Variants in SERF2 observed in about 807,000 individuals in gnomAD.
SERF2 encodes small EDRK-rich factor 2.
Under a neutral mutation model 10.7 loss-of-function variants are expected in SERF2, and 4 were observed. The observed-to-expected ratio is 0.37, with a 90% confidence interval of 0.18 to 0.86. The LOEUF (loss-of-function observed/expected upper bound fraction) is 0.86, where lower values mean the gene tolerates loss of function less well. SERF2 is among the 40% of genes least tolerant of loss of function. SERF2 has a pLI of 0.43. For synonymous variants in SERF2, 26 were observed against 26.0 expected, an observed-to-expected ratio of 1.00 and a Z score of 0.01; for missense variants, 47 against 79.1, an observed-to-expected ratio of 0.59 and a Z score of 1.54.
chr15:43,795,506 CT>C lies in SERF2; in HGVS notation c.*1735del. 1 of 1,614,170 alleles carries C rather than the reference CT, an allele frequency of 6.2e-7. No homozygotes were observed. The highest frequency in any genetic ancestry group is 8.5e-7 in the Non-Finnish European group (1 of 1,180,024). ...TGGACTGGAGGAGCTGGAGGGGTTT[CT>C]TGGTCAGCTGGCCTCGCAGCCCCAC... On this transcript the variant is annotated 3_prime_UTR_variant, in exon 3 of 3. Coordinates refer to ENST00000249786, the MANE Select transcript of SERF2 (RefSeq NM_001018108.4).
chr15:43,792,420 T>C (rs753377439), intron 1 of SERF2, 37 bp downstream of exon 1: 31 of 1,613,764 alleles, frequency 1.9e-5, no homozygotes, highest in Non-Finnish European at 2.5e-5. Flanking sequence ...CCCTTTTCTT[T>C]CCGTTCACCC....
In SERF2 at chr15:43,784,908, A is replaced by G. The variant is rs145934112; in HGVS notation, c.-526-502A>G. On this transcript the variant is annotated intron_variant, in intron 1 of 4. Coordinates refer to the SERF2 transcript ENST00000381359. ...GCTGGGACTATAGGCGCGCACCATCACGCTTGGCTAATTTTTGTATTTTTA... is the reference window on the plus strand; with the variant it reads ...GCTGGGACTATAGGCGCGCACCATCGCGCTTGGCTAATTTTTGTATTTTTA... 1.0e-4 allele frequency among the ~76,000 whole-genome samples: 15 copies of G among 147,124 alleles called. No individual in the cohort carries two copies. The East Asian group carries it at 3.0e-3, about 29-fold the overall frequency.
chr15:43,789,341 T>C (rs1033128634), upstream of SERF2, among the ~76,000 whole-genome samples: 3 of 152,164 alleles, frequency 2.0e-5, no homozygotes, highest in African/African-American at 7.2e-5. Flanking sequence ...CCTGTGGCTC[T>C]TGATGGGATG....
chr15:43,783,714 C>G (rs2141669408), intron 1 of SERF2, among the ~76,000 whole-genome samples: 1 of 152,084 alleles, frequency 6.6e-6, no homozygotes, highest in East Asian at 1.9e-4. Flanking sequence ...ATCCTCCCAC[C>G]TCAGCCTCCC....
rs1453134868 is a variant in SERF2 at position 43,792,616 on chromosome 15, G to T, written c.7+233G>T. 9.1e-6 allele frequency: 13 copies of T among 1,433,022 alleles called. No individual in the cohort carries two copies. In the Admixed American group the frequency reaches 1.4e-4, roughly 16 times the overall value. The allele number at this position is 1,433,022 out of a possible 1,614,324, so 88.8% of individuals were successfully genotyped here. ...CCCTCCCGGATCTTCCGCGGTGTAAGGAGAAGGCCAGCGCCCCTGTGATAG... is the reference window on the plus strand; with the variant it reads ...CCCTCCCGGATCTTCCGCGGTGTAATGAGAAGGCCAGCGCCCCTGTGATAG... On this transcript the variant is annotated intron_variant, in intron 1 of 2. Coordinates refer to ENST00000249786, the MANE Select transcript of SERF2 (RefSeq NM_001018108.4).
rs2141687800 is a variant in SERF2 at position 43,795,327 on chromosome 15, T to C, written c.*1554T>C. ...CATGTGTGTCTGGAATGGCCTTGAATTGCTCTTTCCTTAAAATAGCTAGCT... is the reference window on the plus strand; with the variant it reads ...CATGTGTGTCTGGAATGGCCTTGAACTGCTCTTTCCTTAAAATAGCTAGCT... On this transcript the variant is annotated 3_prime_UTR_variant, in exon 3 of 3. Transcript: ENST00000249786. The C allele has an allele frequency of 7.5e-6, 12 of 1,605,582 alleles. No individual in the cohort carries two copies. The highest frequency in any genetic ancestry group is 1.7e-5 in the Admixed American group (1 of 59,868).
Position 43,794,754 on chromosome 15 carries a change from AGCT to A in SERF2, c.*986_*988del, listed in dbSNP as rs991444346. 8.8e-5 allele frequency: 41 copies of A among 465,312 alleles called. No homozygotes were observed. The highest frequency in any genetic ancestry group is 1.4e-4 in the Admixed American group (4 of 29,170). The allele number at this position is 465,312 out of a possible 1,614,324, so 28.8% of individuals were successfully genotyped here. On this transcript the variant is annotated 3_prime_UTR_variant, in exon 3 of 3. Transcript: ENST00000249786. ...TGCTGGGATCAGCGGTGGTTCTTTG[AGCT>A]GCTGATTTGGGTGTTAGGCTCTTGA... is the stretch of plus-strand genomic sequence containing the variant.
chr15:43,796,038 CAATA>C lies in SERF2; in HGVS notation c.*2268_*2271del. On this transcript the variant is annotated 3_prime_UTR_variant, in exon 3 of 3. Transcript: ENST00000249786. ...AGTTGCCTAGCACATTGTGGGTACT[CAATA>C]AAAGGTAACAGCAGCTATAATCTGA... The C allele has an allele frequency of 2.5e-6, 2 of 787,700 alleles. No individual in the cohort carries two copies. The highest frequency in any genetic ancestry group is 2.2e-6 in the Non-Finnish European group (1 of 456,498). 48.8% of individuals were successfully genotyped at this position (787,700 alleles called of 1,614,324 possible).
chr15:43,788,193 T>C (rs556221426), upstream of SERF2, among the ~76,000 whole-genome samples: 2 of 151,580 alleles, frequency 1.3e-5, no homozygotes, highest in Non-Finnish European at 2.9e-5. Flanking sequence ...AAATTTTTTG[T>C]AGAGACGGGG....
At position 43,795,242 on chromosome 15, in the gene SERF2, A is replaced by T; in HGVS notation, c.*1469A>T. 1 of 1,609,084 alleles carries T rather than the reference A, an allele frequency of 6.2e-7. No homozygotes were observed. The highest frequency in any genetic ancestry group is 1.1e-5 in the South Asian group (1 of 90,976). On this transcript the variant is annotated 3_prime_UTR_variant, in exon 3 of 3. Transcript: ENST00000249786. The stretch of plus-strand genomic sequence containing the variant: ...TGTAACCAAAGGCTCTGGTTAGAGA[A>T]TATGAAGGGCCTTAGCTTTTAGACC...
chr15:43,795,126 T>C lies in SERF2; in HGVS notation c.*1353T>C, dbSNP rs113812701. Reference sequence around the variant, plus strand: ...CCAGTAACAGCCCCAGATAGAGGAGTACGCAGGCCCAGCATGAGGCAACCT... The same window carrying C: ...CCAGTAACAGCCCCAGATAGAGGAGCACGCAGGCCCAGCATGAGGCAACCT... On this transcript the variant is annotated 3_prime_UTR_variant, in exon 3 of 3. Transcript: ENST00000249786. 1.3e-5 allele frequency: 21 copies of C among 1,613,240 alleles called. No individual in the cohort carries two copies. The African/African-American group carries it at 1.3e-4, about 10-fold the overall frequency.
chr15:43,793,329 G>C, intron 2 of SERF2: 1 of 576,784 alleles, frequency 1.7e-6, no homozygotes, highest in Non-Finnish European at 3.1e-6. Context: ...CTGACCTTAA[G>C]GGCAAGGGCA....
chr15:43,794,113 C>CA lies in SERF2; in HGVS notation c.*346dup. 2.7e-6 allele frequency: 2 copies of CA among 743,610 alleles called. No individual in the cohort carries two copies. Among genetic ancestry groups the CA allele is most frequent in the Middle Eastern group, 3.9e-4 (1 of 2,584 alleles). 46.1% of individuals were successfully genotyped at this position (743,610 alleles called of 1,614,324 possible). A position where few individuals can be genotyped will look rare whatever the true frequency, so the allele number is the denominator to read the frequency against. ...TGGAAGAATGACTGCCCTTTCCCAC[C>CA]AAAAAAGGGAGAACTCTTTAGATTC... On this transcript the variant is annotated 3_prime_UTR_variant, in exon 3 of 3. Coordinates refer to ENST00000249786, the MANE Select transcript of SERF2 (RefSeq NM_001018108.4).
At position 43,792,998 on chromosome 15, in the gene SERF2, C is replaced by T; in HGVS notation, c.31C>T (p.Arg11Cys). Residue 11 changes from arginine to cysteine, a missense_variant, in exon 2 of 3, where the codon CGC becomes TGC. Transcript: ENST00000249786. ...AGGCGGTAACCAGCGTGAGCTCGCC[C>T]GCCAGAAGAATATGAAAAAGCAGAG... Reference protein sequence around the residue: MTRGNQRELARQKNMKKQSDS... With the variant: MTRGNQRELACQKNMKKQSDS... The T allele has an allele frequency of 6.2e-7, 1 of 1,611,706 alleles. No homozygotes were observed. Among genetic ancestry groups the T allele is most frequent in the Non-Finnish European group, 8.5e-7 (1 of 1,178,352 alleles).
chr15:43,789,263 A>T (rs1165822188), upstream of SERF2, among the ~76,000 whole-genome samples: 2 of 152,040 alleles, frequency 1.3e-5, no homozygotes, highest in Non-Finnish European at 2.9e-5. Context: ...CTACCTCCCT[A>T]TCTGACCTAG....
chr15:43,793,903 G>T lies in SERF2; in HGVS notation c.*130G>T. 1 of 1,587,338 alleles carries T rather than the reference G, an allele frequency of 6.3e-7. No homozygotes were observed. Among genetic ancestry groups the T allele is most frequent in the Non-Finnish European group, 8.6e-7 (1 of 1,166,148 alleles). ...ATGGCATTCCCTTTGCCCTGAGTCT[G>T]CAGCGGGTCCCTTTTGTGCTTCCTT... On this transcript the variant is annotated 3_prime_UTR_variant, in exon 3 of 3. Transcript: ENST00000249786.
chr15:43,792,347 C>G lies in SERF2; in HGVS notation c.-30C>G. ...CGTCCGACAGAACGAGGGGACGTAACGGAGGCAGGTTGGAGCCGCTGCCGT... is the reference window on the plus strand; with the variant it reads ...CGTCCGACAGAACGAGGGGACGTAAGGGAGGCAGGTTGGAGCCGCTGCCGT... On this transcript the variant is annotated 5_prime_UTR_variant, in exon 1 of 3. Transcript: ENST00000249786. 4 of 1,569,152 alleles carry G rather than the reference C, an allele frequency of 2.5e-6. No individual in the cohort carries two copies. Among genetic ancestry groups the G allele is most frequent in the East Asian group, 2.2e-5 (1 of 44,582 alleles).
At chr15:43,783,927 ATTTTTTTTTTTTTT>A (rs71111825) in intron 1 of SERF2, among the ~76,000 whole-genome samples, 79 of 48,154 alleles carry the variant, frequency 1.6e-3, no homozygotes, top group African/African-American at 5.4e-3. Context: ...ACGCCCAGCT[ATTTTTTTTTTTTTT>A]TTTTTTTTTT....
chr15:43,794,816 G>C lies in SERF2; in HGVS notation c.*1043G>C. 1 of 577,774 alleles carries C rather than the reference G, an allele frequency of 1.7e-6. No homozygotes were observed. Among genetic ancestry groups the C allele is most frequent in the South Asian group, 2.3e-5 (1 of 43,228 alleles). The allele number at this position is 577,774 out of a possible 1,614,324, so 35.8% of individuals were successfully genotyped here. A position where few individuals can be genotyped will look rare whatever the true frequency, so the allele number is the denominator to read the frequency against. ...GCAGATGTAACAGTAGCTCCAGTGA[G>C]TCAGACACTCTGCCCAGCACATTAG... On this transcript the variant is annotated 3_prime_UTR_variant, in exon 3 of 3. Coordinates refer to ENST00000249786, the MANE Select transcript of SERF2 (RefSeq NM_001018108.4).
Sources: gnomAD v4.1 joint callset for allele counts (sites outside exome capture counted in the v4.1 genomes callset) on GRCh38, gnomAD v4.1.1 for gene constraint, MANE v1.5 for transcripts, NCBI Gene and HGNC (gene_info 2026-07-23, HGNC 2026-07-21) for gene names.